NUBP1: variants seen among roughly 807,000 people sequenced by gnomAD.
NUBP1 encodes the protein cytosolic Fe-S cluster assembly factor NUBP1.
NUBP1 carries 46 observed loss-of-function variants against 41.8 expected under a neutral mutation model. The ratio of observed to expected loss-of-function variants is 1.10; its 90% CI spans 0.87 to 1.41. NUBP1 has a LOEUF of 1.41. Among genes scored for constraint, NUBP1 ranks in the 40% most tolerant of loss-of-function variants. The probability of loss-of-function intolerance (pLI) is 0.00; values close to 1 mark genes in which losing one functional copy is unlikely to be tolerated. For missense variants in NUBP1, 494 were observed against 414.0 expected (o/e 1.19, Z -1.68); for synonymous variants, 189 against 154.6 (o/e 1.22, Z -1.65).
chr16:10,751,420 C>G (rs1339490309), intron 3 of NUBP1, among the ~76,000 whole-genome samples: 2 of 152,144 alleles, frequency 1.3e-5, no homozygotes, highest in Non-Finnish European at 1.5e-5. Context: ...GCACCTGAGG[C>G]CAGTGCTGGT....
rs973922538 is a variant in NUBP1, at chr16:10,743,869, G to A, written c.6G>A (p.Glu2=). 3.8e-6 allele frequency: 6 copies of A among 1,566,186 alleles called. No homozygotes were observed. The African/African-American group carries it at 4.1e-5, about 11-fold the overall frequency. Residue 2 remains glutamate (E), a synonymous_variant, in exon 1 of 11, where the codon GAG becomes GAA. Transcript: ENST00000283027. The stretch of plus-strand genomic sequence containing the variant: ...AAGGCGGCAAAGGCGACGGAATGGA[G>A]GAGGTGCCTCACGGTAAGCTCGCGG... The part of the protein sequence containing the change: M[E]EVPHDCPGAD...
intron 7 of NUBP1, among the ~76,000 whole-genome samples, chr16:10,758,318 T>G (rs1900710035): frequency 6.6e-6 from 1 of 151,874 alleles, no homozygotes; most frequent in Admixed American, 6.6e-5. Flanking sequence ...AAAAAATATT[T>G]TAAAATTAGC....
chr16:10,768,885 C>A lies in NUBP1; in HGVS notation c.905-162C>A. 1.6e-6 allele frequency: 1 copy of A among 616,798 alleles called. No homozygotes were observed. Among genetic ancestry groups the A allele is most frequent in the Non-Finnish European group, 2.9e-6 (1 of 345,192 alleles). The allele number at this position is 616,798 out of a possible 1,614,324, so 38.2% of individuals were successfully genotyped here. On this transcript the variant is annotated intron_variant, in intron 10 of 10. Transcript: ENST00000283027. This position sits in a 1 kb window ranked among gnomAD's most constrained non-coding sequence, Gnocchi z 4.3. ...GCAAGATGGGTAGTGTGAGGTATTC[C>A]GGTCACTTTCAAAGACTCAGGGCAT...
Position 10,768,920 on chromosome 16 carries a change from A to G in NUBP1, c.905-127A>G. ...CAAAGACTCAGGGCATCACAGACAC[A>G]GGTCTTTTTATGGAACTAGCCAGAG... On this transcript the variant is annotated intron_variant, in intron 10 of 10. Transcript: ENST00000283027. This position sits in a 1 kb window ranked among gnomAD's most constrained non-coding sequence, Gnocchi z 4.3. 1 of 762,958 alleles carries G rather than the reference A, an allele frequency of 1.3e-6. No individual in the cohort carries two copies. The allele number at this position is 762,958 out of a possible 1,614,324, so 47.3% of individuals were successfully genotyped here. A position where few individuals can be genotyped will look rare whatever the true frequency, so the allele number is the denominator to read the frequency against.
rs2029935872 is a variant in NUBP1, at chr16:10,761,776, C to T, written c.737C>T (p.Pro246Leu). 6.2e-7 allele frequency: 1 copy of T among 1,613,930 alleles called. No homozygotes were observed. The change falls in exon 9 of 11, where the codon CCT (proline) becomes CTT (leucine). Residue 246 changes from proline to leucine, a missense_variant. Physicochemically the swap from Pro to Leu is moderately conservative, Grantham distance 98 (BLOSUM62 -3). Transcript: ENST00000283027. ...TTGCAGAAAGAATCTCAGATATTCC[C>T]TCCCACAACCGGGGGCGCGGAGCTC... ...PKCKKESQIF[P>L]PTTGGAELMC...
chr16:10,768,104 G>A lies in NUBP1; in HGVS notation c.904+72G>A, dbSNP rs1013770354. ...AGCAACATAAAGGAGCCAGGGGTGT[G>A]GAAGGACAGGTGGGTGGTGGGGTCT... On this transcript the variant is annotated intron_variant, in intron 10 of 10. Coordinates refer to ENST00000283027, the MANE Select transcript of NUBP1 (RefSeq NM_002484.4). The surrounding 1 kb of genome is among the most constrained non-coding windows in gnomAD (Gnocchi z 4.3). 3.1e-5 allele frequency: 45 copies of A among 1,437,006 alleles called. No homozygotes were observed. Among genetic ancestry groups the A allele is most frequent in the Non-Finnish European group, 4.3e-5 (44 of 1,026,404 alleles). The allele number at this position is 1,437,006 out of a possible 1,614,324, so 89.0% of individuals were successfully genotyped here. A position where few individuals can be genotyped will look rare whatever the true frequency, so the allele number is the denominator to read the frequency against.
chr16:10,747,399 C>A, intron 3 of NUBP1, 123 bp downstream of exon 3: 1 of 1,292,112 alleles, frequency 7.7e-7, no homozygotes, highest in Non-Finnish European at 1.1e-6. Context: ...TTTGGGAGGC[C>A]AAGGCGGGCA....
intron 5 of NUBP1, 66 bp from the exon 6 acceptor site, chr16:10,756,624 G>T: frequency 1.7e-5 from 21 of 1,219,756 alleles, no homozygotes; most frequent in Non-Finnish European, 2.4e-5. Context: ...CAGAAGACCT[G>T]GGGGAGGGCC....
chr16:10,753,527 C>T (rs77518984), intron 4 of NUBP1, among the ~76,000 whole-genome samples: 3,678 of 152,156 alleles, frequency 0.024, 167 homozygotes, highest in African/African-American at 0.085. Context: ...GAAGCTGGGG[C>T]TGGGGGTGCT....
chr16:10,745,448 C>T (rs543323966), intron 2 of NUBP1, among the ~76,000 whole-genome samples: 115 of 151,640 alleles, frequency 7.6e-4, no homozygotes, highest in African/African-American at 2.7e-3. Context: ...GAGTGAGACC[C>T]TGTCTCAAAG....
intron 3 of NUBP1, among the ~76,000 whole-genome samples, chr16:10,750,973 C>T (rs1900289136): frequency 6.6e-6 from 1 of 152,144 alleles, no homozygotes; most frequent in Admixed American, 6.5e-5. Context: ...TCTGGCCTAA[C>T]CTAAGCAAAA....
intron 4 of NUBP1, among the ~76,000 whole-genome samples, chr16:10,754,947 A>C (rs1900485954): frequency 6.6e-6 from 1 of 152,192 alleles, no homozygotes; most frequent in South Asian, 2.1e-4. Flanking sequence ...TGGGAGGCTA[A>C]GGCAGGAGAA....
At position 10,761,408 on chromosome 16, in the gene NUBP1, C is replaced by T; in HGVS notation, c.651C>T (p.Arg217=). ...TCCGGAAAGAAATCAACTTCTGCCG[C>T]AAGGTGAAGCTGCCCATCATCGGGG... The part of the protein sequence containing the change: ...QDVRKEINFC[R]KVKLPIIGVV... The change falls in exon 8 of 11, where the codon CGC becomes CGT. Residue 217 remains arginine, a synonymous_variant. Coordinates refer to ENST00000283027, the MANE Select transcript of NUBP1 (RefSeq NM_002484.4). 6.2e-7 allele frequency: 1 copy of T among 1,614,136 alleles called. No individual in the cohort carries two copies. Among genetic ancestry groups the T allele is most frequent in the South Asian group, 1.1e-5 (1 of 91,082 alleles).
At position 10,765,241 on chromosome 16, in the gene NUBP1, A is replaced by G. The variant is rs1433531308; in HGVS notation, c.821-2708A>G. On this transcript the variant is annotated intron_variant, in intron 9 of 10. Coordinates refer to ENST00000283027, the MANE Select transcript of NUBP1 (RefSeq NM_002484.4). The surrounding 1 kb of genome is among the most constrained non-coding windows in gnomAD (Gnocchi z 4.0). The stretch of plus-strand genomic sequence containing the variant: ...ACCCAAAGTCTCCTGATACTAAATG[A>G]TAGCAACTAACTCCATTAAATACAC... 6.6e-6 allele frequency: 1 copy of G among 150,726 alleles called. No homozygotes were observed. Among genetic ancestry groups the G allele is most frequent in the Non-Finnish European group, 1.5e-5 (1 of 67,938 alleles). The allele number at this position is 150,726 out of a possible 1,614,324, so 9.3% of individuals were successfully genotyped here. A position where few individuals can be genotyped will look rare whatever the true frequency, so the allele number is the denominator to read the frequency against.
At position 10,761,915 on chromosome 16, in the gene NUBP1, G is replaced by A. The variant is rs759313983; in HGVS notation, c.820+56G>A. 32 of 1,396,286 alleles carry A rather than the reference G, an allele frequency of 2.3e-5. 1 individual carries two copies. Among genetic ancestry groups the A allele is most frequent in the East Asian group, 2.1e-4 (9 of 43,188 alleles). The allele number at this position is 1,396,286 out of a possible 1,614,324, so 86.5% of individuals were successfully genotyped here. A position where few individuals can be genotyped will look rare whatever the true frequency, so the allele number is the denominator to read the frequency against. On this transcript the variant is annotated intron_variant, in intron 9 of 10. Coordinates refer to ENST00000283027, the MANE Select transcript of NUBP1 (RefSeq NM_002484.4). The stretch of plus-strand genomic sequence containing the variant: ...ACTCCTCGGTCAGCCCCACAGGCAC[G>A]GGTCGGGCACAACAGGGGGCGGCTA...
Position 10,767,897 on chromosome 16 carries a change from C to A in NUBP1, c.821-52C>A. On this transcript the variant is annotated intron_variant, in intron 9 of 10. Transcript: ENST00000283027. This position sits in a 1 kb window ranked among gnomAD's most constrained non-coding sequence, Gnocchi z 4.6. ...GGAAAGAGCCCCAAGATCTTGTGGCCATTCTGTTTTCCTCTTGGACTGAAT... is the reference window on the plus strand; with the variant it reads ...GGAAAGAGCCCCAAGATCTTGTGGCAATTCTGTTTTCCTCTTGGACTGAAT... 6.6e-7 allele frequency: 1 copy of A among 1,521,756 alleles called. No homozygotes were observed. Among genetic ancestry groups the A allele is most frequent in the South Asian group, 1.1e-5 (1 of 89,166 alleles). The allele number at this position is 1,521,756 out of a possible 1,614,324, so 94.3% of individuals were successfully genotyped here. A position where few individuals can be genotyped will look rare whatever the true frequency, so the allele number is the denominator to read the frequency against.
In NUBP1 at chr16:10,757,816, T is replaced by C; in HGVS notation, c.452-57T>C. ...CATCCTTTAAAAAAAAAAGAGGGAG[T>C]TGAAAGTACAGAAAAGAAAGGAAAA... is the stretch of plus-strand genomic sequence containing the variant. On this transcript the variant is annotated intron_variant, in intron 6 of 10. Transcript: ENST00000283027. This position sits in a 1 kb window ranked among gnomAD's most constrained non-coding sequence, Gnocchi z 4.1. 22 of 1,553,572 alleles carry C rather than the reference T, an allele frequency of 1.4e-5. No homozygotes were observed. Among genetic ancestry groups the C allele is most frequent in the Middle Eastern group, 1.7e-4 (1 of 5,804 alleles).
chr16:10,760,417 A>G (rs184740046), intron 7 of NUBP1, among the ~76,000 whole-genome samples: 6 of 152,354 alleles, frequency 3.9e-5, no homozygotes, highest in Non-Finnish European at 1.5e-5. Flanking sequence ...TTAATATAGT[A>G]TAGTATAGGG....
rs1296379807 is a variant in NUBP1 at position 10,758,160 on chromosome 16, G to A, written c.606+133G>A. On this transcript the variant is annotated intron_variant, in intron 7 of 10. Transcript: ENST00000283027. ...GTGTTCCGCAGCTGCATCTGATGTG[G>A]GTCTGCAGAAACCTCGTGTTAAAAA... 44 of 1,028,796 alleles carry A rather than the reference G, an allele frequency of 4.3e-5. No individual in the cohort carries two copies. In the East Asian group the frequency reaches 1.1e-3, roughly 27 times the overall value. 63.7% of individuals were successfully genotyped at this position (1,028,796 alleles called of 1,614,324 possible).
Sources: allele counts gnomAD v4.1 joint callset (sites outside exome capture counted in the v4.1 genomes callset), GRCh38; gene constraint gnomAD v4.1.1; non-coding constraint Gnocchi (gnomAD v3.1); transcripts MANE v1.5; gene names NCBI Gene and HGNC (gene_info 2026-07-23, HGNC 2026-07-21).